PITPNM2: variants seen among roughly 807,000 people sequenced by gnomAD.
PITPNM2 encodes the protein membrane-associated phosphatidylinositol transfer protein 2.
Under a neutral mutation model 132.2 loss-of-function variants are expected in PITPNM2, and 35 were observed. The observed-to-expected ratio is 0.26, with a 90% CI of 0.20 to 0.35. The LOEUF (loss-of-function observed/expected upper bound fraction) is 0.35, where lower values mean the gene tolerates loss of function less well. PITPNM2 is among the 10% of genes least tolerant of loss of function. The probability of loss-of-function intolerance (pLI) is 1.00; values close to 1 mark genes in which losing one functional copy is unlikely to be tolerated. For missense variants in PITPNM2, 1,332 were observed against 1,912.0 expected, an observed-to-expected ratio of 0.70 and a Z score of 5.66; for synonymous variants, 738 against 799.2, an observed-to-expected ratio of 0.92 and a Z score of 1.29.
At chr12:123,121,032 GAACACACAGCTGCT>G (rs2043022798) in intron 1 of PITPNM2, among the ~76,000 whole-genome samples, 1 of 152,228 alleles carries the variant, frequency 6.6e-6, no homozygotes, top group Non-Finnish European at 1.5e-5. Context: ...AATCTTCTCA[GAACACACAGCTGCT>G]GCAGGCCCAG....
At chr12:123,070,837 C>T (rs1172257568) in intron 2 of PITPNM2, among the ~76,000 whole-genome samples, 2 of 152,242 alleles carry the variant, frequency 1.3e-5, no homozygotes, top group Non-Finnish European at 2.9e-5. Context: ...CATGCCCCTT[C>T]GCGCATCTGC....
Position 123,097,813 on chromosome 12 carries a change from C to T in PITPNM2, c.-96+12572G>A, listed in dbSNP as rs1447794068. 6.6e-6 allele frequency among the ~76,000 whole-genome samples: 1 copy of T among 152,250 alleles called. No individual in the cohort carries two copies. Among genetic ancestry groups the T allele is most frequent in the East Asian group, 1.9e-4 (1 of 5,192 alleles). Reference sequence around the variant, plus strand: ...GCAGGTCCCCAGCTCCTGGGCTGACCTCGCCCCTACATCTGCCACTTGGCA... The same window carrying T: ...GCAGGTCCCCAGCTCCTGGGCTGACTTCGCCCCTACATCTGCCACTTGGCA... On this transcript the variant is annotated intron_variant, in intron 2 of 25. Transcript: ENST00000320201. This position sits in a 1 kb window ranked among gnomAD's most constrained non-coding sequence, Gnocchi z 4.7.
chr12:123,121,346 C>A (rs2137439921), intron 1 of PITPNM2, among the ~76,000 whole-genome samples: 1 of 152,282 alleles, frequency 6.6e-6, no homozygotes, highest in Non-Finnish European at 1.5e-5. Flanking sequence ...CCAGCCTGGG[C>A]AACAGAACAA....
intron 2 of PITPNM2, among the ~76,000 whole-genome samples, chr12:123,063,348 C>T (rs973430479): frequency 1.3e-5 from 2 of 152,256 alleles, no homozygotes; most frequent in Non-Finnish European, 2.9e-5. Context: ...GCGCCCCTGG[C>T]TGGGCTGCAT....
intron 3 of PITPNM2, among the ~76,000 whole-genome samples, chr12:123,020,069 AG>A (rs2039606813): frequency 6.6e-6 from 1 of 152,182 alleles, no homozygotes; most frequent in African/African-American, 2.4e-5. Context: ...CCTGGGAGCT[AG>A]GCAGAAGCCA....
rs1371118192 is a variant in PITPNM2, at chr12:123,046,725, G to GGCTTTTT, written c.-95-12041_-95-12040insAAAAAGC. 2.5e-3 allele frequency among the ~76,000 whole-genome samples: 380 copies of GGCTTTTT among 152,252 alleles called. 2 individuals are homozygous for GGCTTTTT. Among genetic ancestry groups the GGCTTTTT allele is most frequent in the African/African-American group, 8.9e-3 (368 of 41,536 alleles). On this transcript the variant is annotated intron_variant, in intron 2 of 25. Transcript: ENST00000320201. ...TTCTGTGTCTGGGCTTTTTCACTTG[G>GGCTTTTT]CATCATGTTTTTGAGGTTCATGTTG...
At chr12:123,136,832 G>C (rs951305212) in intron 1 of PITPNM2, among the ~76,000 whole-genome samples, 1 of 152,194 alleles carries the variant, frequency 6.6e-6, no homozygotes, top group African/African-American at 2.4e-5. Context: ...AGGAGGCAGG[G>C]ATTGCAGTGA....
rs192269734 is a variant in PITPNM2, at chr12:123,106,581, G to C, written c.-96+3804C>G. Among the ~76,000 whole-genome samples, 390 of 152,336 alleles carry C rather than the reference G, an allele frequency of 2.6e-3. 1 individual carries two copies. Among genetic ancestry groups the C allele is most frequent in the Non-Finnish European group, 4.6e-3 (314 of 68,022 alleles). Reference sequence around the variant, plus strand: ...AAGCCCTGCGTACTGAGCAGCGTCAGGTGTGTGTCAAAGAACCATATCAAT... The same window carrying C: ...AAGCCCTGCGTACTGAGCAGCGTCACGTGTGTGTCAAAGAACCATATCAAT... On this transcript the variant is annotated intron_variant, in intron 2 of 25. Transcript: ENST00000320201. This position sits in a 1 kb window ranked among gnomAD's most constrained non-coding sequence, Gnocchi z 4.4.
At chr12:123,034,327 T>G in intron 3 of PITPNM2, 186 bp downstream of exon 3, 1 of 567,540 alleles carries the variant, frequency 1.8e-6, no homozygotes. Context: ...CGTGCGCCCA[T>G]GGTGTGCTCT....
At chr12:123,109,671 A>G (rs1221249283) in intron 2 of PITPNM2, among the ~76,000 whole-genome samples, 1 of 152,230 alleles carries the variant, frequency 6.6e-6, no homozygotes, top group East Asian at 1.9e-4. Context: ...GCCAAGGCAC[A>G]GAAGAAGCAT....
rs1362692607 is a variant in PITPNM2, at chr12:123,000,595, C to T, written c.1224+183G>A. On this transcript the variant is annotated intron_variant, in intron 10 of 25. Transcript: ENST00000320201. The surrounding 1 kb of genome is among the most constrained non-coding windows in gnomAD (Gnocchi z 5.4). ...GACCTCAGAGACAGAGGGCGACAGGCGCCTTCCTAGCAGGGCAGCAAAAAA... is the reference window on the plus strand; with the variant it reads ...GACCTCAGAGACAGAGGGCGACAGGTGCCTTCCTAGCAGGGCAGCAAAAAA... 5.8e-6 allele frequency: 4 copies of T among 692,146 alleles called. No homozygotes were observed. Among genetic ancestry groups the T allele is most frequent in the South Asian group, 1.7e-5 (1 of 58,616 alleles). 42.9% of individuals were successfully genotyped at this position (692,146 alleles called of 1,614,324 possible).
At chr12:122,998,619 G>C (rs2038527979) in intron 10 of PITPNM2, among the ~76,000 whole-genome samples, 1 of 152,206 alleles carries the variant, frequency 6.6e-6, no homozygotes, top group East Asian at 1.9e-4. Context: ...TGGGGTGTGG[G>C]GGCAGGGAAG....
chr12:123,059,746 T>C (rs1206178202), intron 2 of PITPNM2, among the ~76,000 whole-genome samples: 1 of 152,208 alleles, frequency 6.6e-6, no homozygotes, highest in African/African-American at 2.4e-5. Context: ...TCTGTGGCTA[T>C]GAAACATCCG....
intron 3 of PITPNM2, among the ~76,000 whole-genome samples, chr12:123,030,991 G>A (rs983755036): frequency 1.3e-5 from 2 of 152,120 alleles, no homozygotes; most frequent in Non-Finnish European, 2.9e-5. Context: ...GGTGGGGAGG[G>A]GGAGTGAGGA....
intron 2 of PITPNM2, among the ~76,000 whole-genome samples, chr12:123,070,865 G>A (rs73411088): frequency 0.036 from 5,427 of 152,316 alleles, 308 homozygotes; most frequent in African/African-American, 0.12. Context: ...AGAGAATGCC[G>A]TGACGTGTGA....
chr12:122,990,062 G>A (rs1458029508), intron 17 of PITPNM2, 114 bp from the exon 18 acceptor site: 18 of 888,592 alleles, frequency 2.0e-5, no homozygotes, highest in African/African-American at 3.5e-5. Flanking sequence ...TATCAAGGGC[G>A]AGCCCATTGG....
chr12:122,986,801 T>C lies in PITPNM2; in HGVS notation c.3442A>G (p.Ile1148Val), dbSNP rs764525718. 67 of 1,612,774 alleles carry C rather than the reference T, an allele frequency of 4.2e-5. No homozygotes were observed. The highest frequency in any genetic ancestry group is 4.6e-5 in the Non-Finnish European group (54 of 1,179,688). ...RHWQDLGYLI[I>V]YVTGRPDMQK... ...ATGTCGGGCCGGCCCGTCACGTAGA[T>C]GATGAGGTAGCCCAGGTCCTGCCAG... The change falls in exon 24 of 26, where the codon ATC (isoleucine) becomes GTC (valine). Residue 1148 changes from isoleucine to valine, a missense_variant. Transcript: ENST00000320201.
chr12:123,118,986 G>A (rs1276677011), intron 1 of PITPNM2, among the ~76,000 whole-genome samples: 1 of 152,206 alleles, frequency 6.6e-6, no homozygotes, highest in African/African-American at 2.4e-5. Flanking sequence ...GTGTCCGTGT[G>A]GCCTGTGTCC....
chr12:123,073,571 C>T (rs943372568), intron 2 of PITPNM2, among the ~76,000 whole-genome samples: 2 of 152,212 alleles, frequency 1.3e-5, no homozygotes, highest in African/African-American at 2.4e-5. Context: ...TGCAGTGCTG[C>T]TCCTACTACC....
Sources: allele counts gnomAD v4.1 joint callset (sites outside exome capture counted in the v4.1 genomes callset), GRCh38; gene constraint gnomAD v4.1.1; non-coding constraint Gnocchi (gnomAD v3.1); transcripts MANE v1.5; gene names NCBI Gene and HGNC (gene_info 2026-07-23, HGNC 2026-07-21).